Variants in PIEZO2 observed in about 807,000 individuals in gnomAD.
PIEZO2 encodes piezo type mechanosensitive ion channel component 2, also known as piezo-type mechanosensitive ion channel component 2.
Under a neutral mutation model 337.3 loss-of-function variants are expected in PIEZO2, and 172 were observed. The observed-to-expected ratio is 0.51, with a 90% CI of 0.45 to 0.58. The LOEUF (loss-of-function observed/expected upper bound fraction) is 0.58, where lower values mean the gene tolerates loss of function less well. Ranked by LOEUF, PIEZO2 falls within the 20% of genes least tolerant of loss-of-function variation. PIEZO2 has a pLI of 0.00. For synonymous variants in PIEZO2, 1,251 were observed against 1,228.5 expected (o/e 1.02, Z -0.38); for missense variants, 3,028 against 3,391.3 (o/e 0.89, Z 2.66).
intron 2 of PIEZO2, among the ~76,000 whole-genome samples, chr18:11,055,404 C>T (rs1175049832): frequency 6.6e-6 from 1 of 151,998 alleles, no homozygotes; most frequent in Non-Finnish European, 1.5e-5. Context: ...ATAAAACCTG[C>T]TCATAACATG....
intron 43 of PIEZO2, 82 bp from the exon 44 acceptor site, chr18:10,699,259 A>T: frequency 6.7e-7 from 1 of 1,497,946 alleles, no homozygotes; most frequent in Non-Finnish European, 8.9e-7. Flanking sequence ...ATCTCATCCA[A>T]CAAACTGTCC....
chr18:11,060,769 C>T (rs978757655), intron 2 of PIEZO2, among the ~76,000 whole-genome samples: 22 of 152,172 alleles, frequency 1.4e-4, no homozygotes, highest in Non-Finnish European at 2.5e-4. Flanking sequence ...TAATTAATAG[C>T]TTACCAACCA....
At chr18:11,147,949 T>C (rs1022837791) in intron 1 of PIEZO2, among the ~76,000 whole-genome samples, 4 of 152,202 alleles carry the variant, frequency 2.6e-5, no homozygotes, top group African/African-American at 9.6e-5. Context: ...TCCAGTACTT[T>C]TGTAGTAGGG....
chr18:10,945,254 A>G lies in PIEZO2; in HGVS notation c.287-34026T>C, dbSNP rs1187736112. On this transcript the variant is annotated intron_variant, in intron 3 of 55. Coordinates refer to ENST00000674853, the MANE Select transcript of PIEZO2 (RefSeq NM_001378183.1). This position sits in a 1 kb window ranked among gnomAD's most constrained non-coding sequence, Gnocchi z 4.0. ...GAGTGCAGTGGCACAATCATAGCTC[A>G]CTGCAGCCTCAAACTCCTGTGCTCA... Among the ~76,000 whole-genome samples the G allele has an allele frequency of 6.6e-6, 1 of 152,164 alleles. No homozygotes were observed. The highest frequency in any genetic ancestry group is 1.5e-5 in the Non-Finnish European group (1 of 68,026).
rs142588843 is a variant in PIEZO2, at chr18:10,937,560, T to C, written c.287-26332A>G. 4.6e-3 allele frequency among the ~76,000 whole-genome samples: 705 copies of C among 152,296 alleles called. 7 individuals carry two copies. Among genetic ancestry groups the C allele is most frequent in the African/African-American group, 0.014 (601 of 41,556 alleles). ...TAGTTCATTATGTCTTTGTGCTCCA[T>C]GTAACAGGTGAAAGCTCCATGTAAC... On this transcript the variant is annotated intron_variant, in intron 3 of 55. Coordinates refer to ENST00000674853, the MANE Select transcript of PIEZO2 (RefSeq NM_001378183.1).
chr18:10,798,810 G>A (rs1241094249), intron 11 of PIEZO2, among the ~76,000 whole-genome samples: 8 of 152,176 alleles, frequency 5.3e-5, no homozygotes, highest in Admixed American at 5.2e-4. Context: ...TGCTTCTGGT[G>A]CTCATGCTCT....
At position 10,682,476 on chromosome 18, in the gene PIEZO2, A is replaced by AGT. The variant is rs1279731508; in HGVS notation, c.7498-186_7498-185dup. Among the ~76,000 whole-genome samples, 1 of 152,168 alleles carries AGT rather than the reference A, an allele frequency of 6.6e-6. No homozygotes were observed. The highest frequency in any genetic ancestry group is 2.4e-5 in the African/African-American group (1 of 41,438). On this transcript the variant is annotated intron_variant, in intron 49 of 55. Transcript: ENST00000674853. The surrounding 1 kb of genome is among the most constrained non-coding windows in gnomAD (Gnocchi z 5.6). Reference sequence around the variant, plus strand: ...TCCCAATCTCGAAATGAAGTTAGGTAGTGATGTGAAGCTGTCCTGAGGTCG... The same window carrying AGT: ...TCCCAATCTCGAAATGAAGTTAGGTAGTGTGATGTGAAGCTGTCCTGAGGTCG...
intron 2 of PIEZO2, among the ~76,000 whole-genome samples, chr18:11,019,988 T>C (rs1385982657): frequency 6.6e-6 from 1 of 152,238 alleles, no homozygotes; most frequent in Non-Finnish European, 1.5e-5. Flanking sequence ...AATGAGTGCA[T>C]GAACTCTCTT....
Position 10,672,773 on chromosome 18 carries a change from G to A in PIEZO2, c.8262C>T (p.Tyr2754=), listed in dbSNP as rs766149503. Residue 2754 remains tyrosine (Y), a synonymous_variant, in exon 55 of 56, where the codon TAC becomes TAT. Coordinates refer to ENST00000674853, the MANE Select transcript of PIEZO2 (RefSeq NM_001378183.1). This position sits in a 1 kb window ranked among gnomAD's most constrained non-coding sequence, Gnocchi z 4.7. ...GTTCCAGGGCCTGAGAGTTCGGATTGTATATTCTGTTTCCAGTCAGGTTGA... is the reference window on the plus strand; with the variant it reads ...GTTCCAGGGCCTGAGAGTTCGGATTATATATTCTGTTTCCAGTCAGGTTGA... The part of the protein sequence containing the change: ...WVLNLTGNRI[Y]NPNSQALELV... 3 of 1,614,108 alleles carry A rather than the reference G, an allele frequency of 1.9e-6. No homozygotes were observed. Among genetic ancestry groups the A allele is most frequent in the Non-Finnish European group, 1.7e-6 (2 of 1,179,996 alleles).
At position 11,009,462 on chromosome 18, in the gene PIEZO2, G is replaced by A. The variant is rs970575560; in HGVS notation, c.161-29802C>T. Reference sequence around the variant, plus strand: ...ACTGTGCTGGAGATTCAGCTGAAGGGAGGTTGAGCCCAGCTCAGCTCATGG... The same window carrying A: ...ACTGTGCTGGAGATTCAGCTGAAGGAAGGTTGAGCCCAGCTCAGCTCATGG... On this transcript the variant is annotated intron_variant, in intron 2 of 55. Transcript: ENST00000674853. This position sits in a 1 kb window ranked among gnomAD's most constrained non-coding sequence, Gnocchi z 4.6. Among the ~76,000 whole-genome samples, 19 of 152,192 alleles carry A rather than the reference G, an allele frequency of 1.2e-4. No homozygotes were observed. Among genetic ancestry groups the A allele is most frequent in the Admixed American group, 8.5e-4 (13 of 15,278 alleles).
At chr18:11,071,080 A>C (rs1439295459) in intron 1 of PIEZO2, among the ~76,000 whole-genome samples, 4 of 152,172 alleles carry the variant, frequency 2.6e-5, no homozygotes, top group Admixed American at 6.5e-5. Context: ...GCAATAAAGC[A>C]AAATCCATGG....
In PIEZO2 at chr18:10,851,404, T is replaced by G. The variant is rs148853451; in HGVS notation, c.917+3949A>C. Among the ~76,000 whole-genome samples, 11 of 152,278 alleles carry G rather than the reference T, an allele frequency of 7.2e-5. No individual in the cohort carries two copies. In the East Asian group the frequency reaches 1.9e-3, roughly 27 times the overall value. ...TCTATTCCCTGATAAGCAACTTAAC[T>G]TCCAATGTCTTACTCTATGAGATTA... On this transcript the variant is annotated intron_variant, in intron 7 of 55. Transcript: ENST00000674853.
intron 4 of PIEZO2, among the ~76,000 whole-genome samples, chr18:10,906,039 C>T (rs539000518): frequency 6.6e-6 from 1 of 152,086 alleles, no homozygotes; most frequent in Non-Finnish European, 1.5e-5. Flanking sequence ...GACATAGATG[C>T]TGGGGAAGAG....
chr18:11,075,721 A>T (rs1178752487), intron 1 of PIEZO2, among the ~76,000 whole-genome samples: 2 of 151,974 alleles, frequency 1.3e-5, no homozygotes, highest in Non-Finnish European at 2.9e-5. Flanking sequence ...CCTGTGTCAG[A>T]TTCTTTATGC....
rs923415834 is a variant in PIEZO2 at position 11,127,273 on chromosome 18, T to C, written c.64+21252A>G. Among the ~76,000 whole-genome samples the C allele has an allele frequency of 7.9e-5, 12 of 152,198 alleles. No individual in the cohort carries two copies. Among genetic ancestry groups the C allele is most frequent in the African/African-American group, 2.9e-4 (12 of 41,448 alleles). On this transcript the variant is annotated intron_variant, in intron 1 of 55. Transcript: ENST00000674853. This position sits in a 1 kb window ranked among gnomAD's most constrained non-coding sequence, Gnocchi z 4.5. ...AACGCTCATCAGAGCACACAGCCAC[T>C]GCAAAGAACTTAAAGCAAAAATAGT...
rs1036058080 is a variant in PIEZO2 at position 11,094,632 on chromosome 18, C to T, written c.65-28410G>A. Among the ~76,000 whole-genome samples the T allele has an allele frequency of 1.3e-5, 2 of 152,206 alleles. No homozygotes were observed. Among genetic ancestry groups the T allele is most frequent in the African/African-American group, 2.4e-5 (1 of 41,436 alleles). On this transcript the variant is annotated intron_variant, in intron 1 of 55. Transcript: ENST00000674853. The surrounding 1 kb of genome is among the most constrained non-coding windows in gnomAD (Gnocchi z 4.4). ...CGGCACCCTGGCCCTTCCTACCTAA[C>T]TCCAGCTGCTCTTCCATTTCTCTCA...
At chr18:10,998,092 T>A (rs948310556) in intron 2 of PIEZO2, among the ~76,000 whole-genome samples, 2 of 152,170 alleles carry the variant, frequency 1.3e-5, no homozygotes, top group African/African-American at 4.8e-5. Context: ...AAGACTAGCA[T>A]ACAGTGGAAC....
rs989342158 is a variant in PIEZO2, at chr18:10,677,273, A to T, written c.8081+474T>A. Among the ~76,000 whole-genome samples the T allele has an allele frequency of 1.3e-5, 2 of 152,122 alleles. No individual in the cohort carries two copies. Among genetic ancestry groups the T allele is most frequent in the African/African-American group, 4.8e-5 (2 of 41,416 alleles). The stretch of plus-strand genomic sequence containing the variant: ...CACTCTGTTGCCCAGGCTGGAGTGC[A>T]GTGCTGCGATCTAGGCTCACTGCAA... On this transcript the variant is annotated intron_variant, in intron 53 of 55. Transcript: ENST00000674853. The surrounding 1 kb of genome is among the most constrained non-coding windows in gnomAD (Gnocchi z 4.1).
At chr18:10,755,250 G>A (rs564520740) in intron 27 of PIEZO2, among the ~76,000 whole-genome samples, 14 of 152,084 alleles carry the variant, frequency 9.2e-5, no homozygotes, top group Admixed American at 4.6e-4. Context: ...GTGTGGGGTC[G>A]GCTGGCTTGG....
Sources: gnomAD v4.1 joint callset for allele counts (sites outside exome capture counted in the v4.1 genomes callset) on GRCh38, gnomAD v4.1.1 for gene constraint, Gnocchi (gnomAD v3.1) non-coding constraint, MANE v1.5 for transcripts, NCBI Gene and HGNC (gene_info 2026-07-23, HGNC 2026-07-21) for gene names.